The following BORCS5 variants were observed in gnomAD, a reference collection of about 807,000 sequenced individuals.
BORCS5 encodes BLOC-1 related complex subunit 5, also known as BLOC-1-related complex subunit 5.
BORCS5 carries 17 observed loss-of-function variants against 22.1 expected under a neutral mutation model. The ratio of observed to expected loss-of-function variants is 0.77; its 90% CI spans 0.53 to 1.15. The LOEUF (loss-of-function observed/expected upper bound fraction) is 1.15. Among genes scored for constraint, BORCS5 ranks in the 50% most tolerant of loss-of-function variants. BORCS5 has a pLI of 0.00. For synonymous variants in BORCS5, 117 were observed against 99.8 expected, an observed-to-expected ratio of 1.17 and a Z score of -1.03; for missense variants, 247 against 253.2, an observed-to-expected ratio of 0.98 and a Z score of 0.17.
At chr12:12,385,028 A>G (rs1863851694) in intron 2 of BORCS5, among the ~76,000 whole-genome samples, 1 of 151,460 alleles carries the variant, frequency 6.6e-6, no homozygotes, top group African/African-American at 2.4e-5. Context: ...TTGATCAGGA[A>G]GGCTTCTGTC....
At chr12:12,357,676 C>G (rs1458586773) in intron 1 of BORCS5, among the ~76,000 whole-genome samples, 167 bp downstream of exon 1, 1 of 152,164 alleles carries the variant, frequency 6.6e-6, no homozygotes, top group Non-Finnish European at 1.5e-5. Flanking sequence ...CTCGATTCCC[C>G]TGATGGAAGT....
chr12:12,424,732 G>C (rs532308403), intron 2 of BORCS5, among the ~76,000 whole-genome samples: 1 of 152,064 alleles, frequency 6.6e-6, no homozygotes, highest in Admixed American at 6.5e-5. Context: ...GTTACAGGAT[G>C]TGTCTGTGCC....
chr12:12,393,332 C>G (rs759648808), intron 2 of BORCS5, among the ~76,000 whole-genome samples: 42 of 152,130 alleles, frequency 2.8e-4, no homozygotes, highest in Admixed American at 1.3e-3. Flanking sequence ...ACATGACACC[C>G]AGAATACTCT....
At chr12:12,418,032 ATTTATTTT>A (rs891101856) in intron 2 of BORCS5, among the ~76,000 whole-genome samples, 2 of 67,858 alleles carry the variant, frequency 2.9e-5, no homozygotes, top group Admixed American at 1.6e-4. Context: ...TTATTTATTT[ATTTATTTT>A]TGAGACGGAG....
At chr12:12,446,444 G>A (rs555541343) in intron 3 of BORCS5, among the ~76,000 whole-genome samples, 4 of 152,108 alleles carry the variant, frequency 2.6e-5, no homozygotes, top group Non-Finnish European at 4.4e-5. Flanking sequence ...TTGACCAATG[G>A]CAACCCCAAA....
chr12:12,464,762 C>T lies in BORCS5; in HGVS notation c.361-784C>T, dbSNP rs1943169326. 2.6e-5 allele frequency among the ~76,000 whole-genome samples: 4 copies of T among 152,064 alleles called. No individual in the cohort carries two copies. In the South Asian group the frequency reaches 8.3e-4, roughly 32 times the overall value. The stretch of plus-strand genomic sequence containing the variant: ...TCACGCAAGGGCAGCCCAGAGCCCG[C>T]AGTTTCTTTAATGGGGGAGAAGGGC... On this transcript the variant is annotated intron_variant, in intron 3 of 3. Transcript: ENST00000314565.
At chr12:12,364,386 A>AAAAT (rs1863360423) in intron 2 of BORCS5, among the ~76,000 whole-genome samples, 1 of 151,312 alleles carries the variant, frequency 6.6e-6, no homozygotes, top group South Asian at 2.1e-4. Context: ...AAAGAAAAAT[A>AAAAT]TAAGGAAGAG....
At chr12:12,439,671 A>G (rs1170680478) in intron 3 of BORCS5, among the ~76,000 whole-genome samples, 1 of 152,204 alleles carries the variant, frequency 6.6e-6, no homozygotes, top group African/African-American at 2.4e-5. Context: ...TTTGGGATTC[A>G]CTTTGAATAG....
chr12:12,441,455 C>T (rs1024388883), intron 3 of BORCS5, among the ~76,000 whole-genome samples: 8 of 152,294 alleles, frequency 5.3e-5, no homozygotes, highest in Admixed American at 3.9e-4. Context: ...ATGACATCCA[C>T]CTCAGGTTTT....
intron 3 of BORCS5, among the ~76,000 whole-genome samples, chr12:12,436,046 A>G (rs781765659): frequency 1.3e-5 from 2 of 152,222 alleles, no homozygotes; most frequent in Admixed American, 6.5e-5. Context: ...GGCTAATAGT[A>G]GTAACTTACC....
chr12:12,462,835 TTA>T (rs1592145730), intron 3 of BORCS5, among the ~76,000 whole-genome samples: 1 of 152,024 alleles, frequency 6.6e-6, no homozygotes, highest in East Asian at 1.9e-4. Context: ...TTTTTGTATT[TTA>T]ATAGAGACGG....
chr12:12,359,128 T>A (rs1197804265), intron 1 of BORCS5, among the ~76,000 whole-genome samples: 1 of 152,174 alleles, frequency 6.6e-6, no homozygotes, highest in Non-Finnish European at 1.5e-5. Flanking sequence ...TTTGAATCAC[T>A]TCCCTCCAAA....
intron 2 of BORCS5, among the ~76,000 whole-genome samples, chr12:12,415,570 A>AAGGGGAGGGGGG (rs1941921792): frequency 3.0e-4 from 4 of 13,222 alleles, no homozygotes; most frequent in African/African-American, 1.3e-3. Flanking sequence ...GGGGAGGGGG[A>AAGGGGAGGGGGG]GGGGGAGGGG....
intron 2 of BORCS5, among the ~76,000 whole-genome samples, chr12:12,363,563 GTC>G (rs916297103): frequency 3.9e-5 from 6 of 152,128 alleles, no homozygotes; most frequent in Non-Finnish European, 5.9e-5. Context: ...GTGAAACCCT[GTC>G]TCTACTGAAA....
chr12:12,432,038 C>G (rs532865182), intron 2 of BORCS5, among the ~76,000 whole-genome samples: 3 of 152,244 alleles, frequency 2.0e-5, no homozygotes, highest in Admixed American at 6.5e-5. Flanking sequence ...GGAAGTTTAC[C>G]CTATGTGATA....
At chr12:12,360,318 C>T (rs1863251247) in intron 1 of BORCS5, among the ~76,000 whole-genome samples, 1 of 152,180 alleles carries the variant, frequency 6.6e-6, no homozygotes, top group East Asian at 1.9e-4. Flanking sequence ...GCCGAGATTG[C>T]ACCACTGTAC....
At chr12:12,397,951 A>G (rs1368896368) in intron 2 of BORCS5, among the ~76,000 whole-genome samples, 2 of 152,170 alleles carry the variant, frequency 1.3e-5, no homozygotes. Flanking sequence ...AAGCAGAGAG[A>G]GCTTTTTCAG....
At chr12:12,456,101 A>C (rs576252103) in intron 3 of BORCS5, among the ~76,000 whole-genome samples, 2 of 152,284 alleles carry the variant, frequency 1.3e-5, no homozygotes, top group East Asian at 3.9e-4. Context: ...GTATGTCACT[A>C]ATTTGGAAAA....
intron 2 of BORCS5, among the ~76,000 whole-genome samples, chr12:12,361,602 T>C (rs748886713): frequency 5.3e-5 from 8 of 152,256 alleles, no homozygotes; most frequent in African/African-American, 9.6e-5. Context: ...ATTTCTCTGC[T>C]AGAATGTGAG....
Sources: gnomAD v4.1 joint callset for allele counts (sites outside exome capture counted in the v4.1 genomes callset) on GRCh38, gnomAD v4.1.1 for gene constraint, MANE v1.5 for transcripts, NCBI Gene and HGNC (gene_info 2026-07-23, HGNC 2026-07-21) for gene names.